GRM3: variants seen among roughly 807,000 people sequenced by gnomAD.
The protein encoded by GRM3 is glutamate metabotropic receptor 3.
Under a neutral mutation model 70.5 loss-of-function variants are expected in GRM3, and 26 were observed. That is an observed-to-expected ratio of 0.37 (90% CI 0.27 to 0.51). GRM3 has a LOEUF of 0.51. Among genes scored for constraint, GRM3 ranks in the 20% least tolerant of loss-of-function variants. The probability of loss-of-function intolerance (pLI) is 0.93; values close to 1 mark genes in which losing one functional copy is unlikely to be tolerated. For missense variants in GRM3, 859 were observed against 1,123.8 expected, an observed-to-expected ratio of 0.76 and a Z score of 3.37; for synonymous variants, 443 against 434.9, an observed-to-expected ratio of 1.02 and a Z score of -0.23.
In GRM3 at chr7:86,723,367, T is replaced by C. The variant is rs937755511; in HGVS notation, c.-140-41639T>C. Among the ~76,000 whole-genome samples the C allele has an allele frequency of 2.6e-5, 4 of 152,150 alleles. No individual in the cohort carries two copies. The East Asian group carries it at 5.8e-4, about 22-fold the overall frequency. ...TGGCAAGTGATATTCTTCTAGTACA[T>C]AGAGAAATATTATACATAATGGTGA... On this transcript the variant is annotated intron_variant, in intron 1 of 5. Transcript: ENST00000361669.
intron 1 of GRM3, among the ~76,000 whole-genome samples, chr7:86,734,712 T>G (rs1795815336): frequency 1.3e-5 from 2 of 152,168 alleles, no homozygotes; most frequent in African/African-American, 4.8e-5. Flanking sequence ...TTTAGAAACC[T>G]GATGAAACCC....
intron 3 of GRM3, among the ~76,000 whole-genome samples, chr7:86,821,226 T>C (rs1417726392): frequency 6.6e-6 from 1 of 152,162 alleles, no homozygotes; most frequent in African/African-American, 2.4e-5. Flanking sequence ...AGTTTAATTT[T>C]ACTTAGTCTA....
chr7:86,763,589 A>T (rs1490285118), intron 1 of GRM3, among the ~76,000 whole-genome samples: 1 of 152,180 alleles, frequency 6.6e-6, no homozygotes, highest in African/African-American at 2.4e-5. Flanking sequence ...GCTTTGCCTG[A>T]TTCCCAATAG....
intron 3 of GRM3, among the ~76,000 whole-genome samples, chr7:86,804,786 A>T (rs1219943839): frequency 6.6e-6 from 1 of 152,156 alleles, no homozygotes; most frequent in Non-Finnish European, 1.5e-5. Flanking sequence ...GCGGATTTCT[A>T]TTAGTGATAA....
At chr7:86,824,494 G>A (rs1044531217) in intron 3 of GRM3, among the ~76,000 whole-genome samples, 17 of 152,114 alleles carry the variant, frequency 1.1e-4, no homozygotes, top group African/African-American at 2.7e-4. Flanking sequence ...AACATATACA[G>A]TATGTAGTAC....
intron 1 of GRM3, among the ~76,000 whole-genome samples, chr7:86,747,541 A>G (rs1038847162): frequency 4.6e-5 from 7 of 152,076 alleles, no homozygotes; most frequent in Non-Finnish European, 1.0e-4. Context: ...TGCCTAAAAT[A>G]CATTCAACAG....
chr7:86,687,815 G>A (rs1444225786), intron 1 of GRM3, among the ~76,000 whole-genome samples: 1 of 151,786 alleles, frequency 6.6e-6, no homozygotes, highest in Non-Finnish European at 1.5e-5. Flanking sequence ...AGGGAATGAT[G>A]AAATTAAATG....
At chr7:86,823,622 TG>T (rs2116692938) in intron 3 of GRM3, among the ~76,000 whole-genome samples, 1 of 107,432 alleles carries the variant, frequency 9.3e-6, no homozygotes, top group African/African-American at 3.7e-5. Context: ...GGGGGATTAG[TG>T]CATGCTGGGG....
chr7:86,841,818 G>A (rs1027632945), intron 4 of GRM3, among the ~76,000 whole-genome samples: 1 of 152,082 alleles, frequency 6.6e-6, no homozygotes, highest in African/African-American at 2.4e-5. Flanking sequence ...CAATAGAGTA[G>A]AACAACTGAC....
At chr7:86,751,261 G>A (rs1212531196) in intron 1 of GRM3, among the ~76,000 whole-genome samples, 6 of 152,190 alleles carry the variant, frequency 3.9e-5, no homozygotes, top group South Asian at 2.1e-4. Context: ...AACCAATTAC[G>A]GCAATGAAGG....
At chr7:86,676,492 C>A (rs1226989949) in intron 1 of GRM3, among the ~76,000 whole-genome samples, 1 of 151,860 alleles carries the variant, frequency 6.6e-6, no homozygotes. Flanking sequence ...CAGAATAAAA[C>A]TAATAGACAT....
In GRM3 at chr7:86,765,487, G is replaced by T. The variant is rs377189890; in HGVS notation, c.342G>T (p.Arg114Ser). Residue 114 changes from arginine (R) to serine (S), a missense_variant, in exon 2 of 6, where the codon AGG (arginine) becomes AGT (serine). By Grantham distance (110) the Arg-to-Ser change is moderately radical. Coordinates refer to ENST00000361669, the MANE Select transcript of GRM3 (RefSeq NM_000840.3). ...TGGAGCAATCACTGGAGTTTGTCAG[G>T]GCATCTTTGACAAAAGTGGATGAAG... Reference protein sequence around the residue: ...YALEQSLEFVRASLTKVDEAE... With the variant: ...YALEQSLEFVSASLTKVDEAE... The T allele has an allele frequency of 6.2e-7, 1 of 1,613,738 alleles. No individual in the cohort carries two copies. Among genetic ancestry groups the T allele is most frequent in the African/African-American group, 1.3e-5 (1 of 74,856 alleles).
At chr7:86,788,222 G>T (rs770297859) in intron 3 of GRM3, among the ~76,000 whole-genome samples, 3 of 152,128 alleles carry the variant, frequency 2.0e-5, no homozygotes, top group Non-Finnish European at 4.4e-5. Context: ...TGGCGCAAAT[G>T]GCAGTTCTCA....
At chr7:86,733,710 G>T (rs569620266) in intron 1 of GRM3, among the ~76,000 whole-genome samples, 2 of 152,256 alleles carry the variant, frequency 1.3e-5, no homozygotes, top group African/African-American at 4.8e-5. Context: ...GTGGCGAATA[G>T]CTGGAAAAAC....
At chr7:86,664,731 G>T (rs1793981407) in intron 1 of GRM3, among the ~76,000 whole-genome samples, 1 of 151,958 alleles carries the variant, frequency 6.6e-6, no homozygotes, top group South Asian at 2.1e-4. Context: ...GTTTGGCTGA[G>T]AAGCTCATAG....
At chr7:86,847,356 C>G (rs2116761557) in intron 4 of GRM3, among the ~76,000 whole-genome samples, 1 of 152,220 alleles carries the variant, frequency 6.6e-6, no homozygotes, top group South Asian at 2.1e-4. Flanking sequence ...GGCTTGCACA[C>G]TGGGTGGCAT....
chr7:86,764,795 T>C (rs1300373464), intron 1 of GRM3, among the ~76,000 whole-genome samples: 2 of 152,056 alleles, frequency 1.3e-5, no homozygotes, highest in African/African-American at 4.8e-5. Flanking sequence ...TCTGTGCCCA[T>C]TTCTGTGAGA....
chr7:86,741,112 C>T (rs1795980877), intron 1 of GRM3, among the ~76,000 whole-genome samples: 1 of 152,072 alleles, frequency 6.6e-6, no homozygotes, highest in African/African-American at 2.4e-5. Flanking sequence ...AGCATGGAGA[C>T]ATTTTATTAA....
chr7:86,645,113 C>G (rs1406695261), intron 1 of GRM3: 5 of 345,130 alleles, frequency 1.4e-5, no homozygotes, highest in Non-Finnish European at 2.3e-5. Flanking sequence ...GGGCATAGAT[C>G]TGCGGCCAGG....
Sources: gnomAD v4.1 joint callset for allele counts (sites outside exome capture counted in the v4.1 genomes callset) on GRCh38, gnomAD v4.1.1 for gene constraint, MANE v1.5 for transcripts, NCBI Gene and HGNC (gene_info 2026-07-23, HGNC 2026-07-21) for gene names.